GSE1: variants seen among roughly 807,000 people sequenced by gnomAD.
GSE1 encodes Gse1 coiled-coil protein, also known as genetic suppressor element 1.
GSE1 carries 32 observed loss-of-function variants against 112.6 expected under a neutral mutation model. The observed-to-expected ratio is 0.28, with a 90% confidence interval of 0.21 to 0.38. The LOEUF is 0.38. GSE1 is among the 10% of genes least tolerant of loss of function. The pLI, the probability that GSE1 is intolerant of heterozygous loss-of-function variation, is 1.00. For synonymous variants in GSE1, 1,115 were observed against 735.6 expected (o/e 1.52, Z -8.35); for missense variants, 2,348 against 1,699.2 (o/e 1.38, Z -6.71).
At chr16:85,571,212 CCA>C (rs1446525961) in intron 1 of GSE1, among the ~76,000 whole-genome samples, 3 of 152,190 alleles carry the variant, frequency 2.0e-5, no homozygotes, top group African/African-American at 7.2e-5. Context: ...GTGCACCCTT[CCA>C]AGGCCCGGGC....
chr16:85,439,534 T>TCACA (rs66487058), intron 2 of GSE1, among the ~76,000 whole-genome samples: 69 of 149,962 alleles, frequency 4.6e-4, no homozygotes, highest in African/African-American at 1.4e-3. Flanking sequence ...ACACGGTCTG[T>TCACA]CACACACACA....
chr16:85,660,220 C>G (rs1429213821), intron 8 of GSE1, among the ~76,000 whole-genome samples: 1 of 152,216 alleles, frequency 6.6e-6, no homozygotes. Flanking sequence ...GGAATTCACG[C>G]AAGCAGGTGG....
Position 85,387,867 on chromosome 16 carries a change from A to G in GSE1, c.2464+30224A>G, listed in dbSNP as rs113726319. ...GTTTGCATGGACGGATGATTGGATG[A>G]TTGGTTGGATGGGTGGGTGGATGGA... On this transcript the variant is annotated intron_variant, in intron 2 of 2. Transcript: ENST00000637419. Among the ~76,000 whole-genome samples, 139 of 152,182 alleles carry G rather than the reference A, an allele frequency of 9.1e-4. No individual in the cohort carries two copies. The Middle Eastern group carries it at 0.01, about 11-fold the overall frequency.
At chr16:85,439,771 A>G (rs1434322975) in intron 2 of GSE1, among the ~76,000 whole-genome samples, 1 of 152,146 alleles carries the variant, frequency 6.6e-6, no homozygotes, top group East Asian at 1.9e-4. Context: ...AGACACACAC[A>G]CAAAAGTGAG....
At chr16:85,619,132 C>G (rs927582608) in intron 1 of GSE1, among the ~76,000 whole-genome samples, 1 of 152,208 alleles carries the variant, frequency 6.6e-6, no homozygotes, top group African/African-American at 2.4e-5. Flanking sequence ...CTTTAACAAC[C>G]GGAGGTTCTT....
chr16:85,547,740 G>T (rs940991408), intron 2 of GSE1, among the ~76,000 whole-genome samples: 1 of 151,746 alleles, frequency 6.6e-6, no homozygotes, highest in African/African-American at 2.4e-5. Context: ...AATTAGCCAG[G>T]CGTGGTGGCA....
At chr16:85,619,247 T>TC (rs1405788932) in intron 1 of GSE1, among the ~76,000 whole-genome samples, 1 of 152,102 alleles carries the variant, frequency 6.6e-6, no homozygotes, top group Non-Finnish European at 1.5e-5. Context: ...AAACTGTCCC[T>TC]CCCCCAGCCC....
At chr16:85,587,730 A>G (rs1293898176) in intron 1 of GSE1, among the ~76,000 whole-genome samples, 1 of 151,514 alleles carries the variant, frequency 6.6e-6, no homozygotes, top group African/African-American at 2.4e-5. Context: ...CCAGTGCTAG[A>G]GGGCTGGGAT....
At chr16:85,251,574 G>T (rs1016830166) in intron 1 of GSE1, among the ~76,000 whole-genome samples, 2 of 152,238 alleles carry the variant, frequency 1.3e-5, no homozygotes, top group African/African-American at 4.8e-5. Flanking sequence ...AAGGGCAGCA[G>T]AGTGACCCTG....
chr16:85,635,465 CAG>C (rs1017831105), intron 2 of GSE1, among the ~76,000 whole-genome samples: 4 of 152,080 alleles, frequency 2.6e-5, no homozygotes, highest in South Asian at 2.1e-4. Flanking sequence ...CAAGATGGCT[CAG>C]GGGGAAGCAG....
chr16:85,496,310 C>A (rs1674330447), intron 2 of GSE1, among the ~76,000 whole-genome samples: 1 of 152,274 alleles, frequency 6.6e-6, no homozygotes, highest in African/African-American at 2.4e-5. Flanking sequence ...GGGATGGTTA[C>A]AACAGGTTTA....
chr16:85,644,639 C>T lies in GSE1; in HGVS notation c.227-3913C>T, dbSNP rs541707631. On this transcript the variant is annotated intron_variant, in intron 2 of 15. Transcript: ENST00000253458. ...CTTCTTTAGAGACGGAGAGCCAATGCGTGCGGGGCCTGGGGAGACGGGAGT... is the reference window on the plus strand; with the variant it reads ...CTTCTTTAGAGACGGAGAGCCAATGTGTGCGGGGCCTGGGGAGACGGGAGT... Among the ~76,000 whole-genome samples the T allele has an allele frequency of 5.3e-5, 8 of 152,202 alleles. No homozygotes were observed. The East Asian group carries it at 5.8e-4, about 11-fold the overall frequency.
intron 2 of GSE1, among the ~76,000 whole-genome samples, chr16:85,477,421 C>T (rs1197912290): frequency 2.0e-5 from 3 of 152,092 alleles, no homozygotes; most frequent in Non-Finnish European, 4.4e-5. Context: ...GGGTGCCCCC[C>T]AGCCACAGTC....
At chr16:85,413,686 G>A (rs541200035) in intron 2 of GSE1, among the ~76,000 whole-genome samples, 1 of 152,132 alleles carries the variant, frequency 6.6e-6, no homozygotes, top group African/African-American at 2.4e-5. Flanking sequence ...TCAAAAAGGG[G>A]GTGAGGAATT....
upstream of GSE1, chr16:85,555,467 C>G (rs540973660): frequency 1.0e-6 from 1 of 984,638 alleles, no homozygotes; most frequent in Non-Finnish European, 1.2e-6. Context: ...CTGCCGGAGA[C>G]TTGTTTGCAA....
chr16:85,657,515 G>C lies in GSE1; in HGVS notation c.1551G>C (p.Glu517Asp). ...EKEDRQSQVSEFRQQVLEQHL... is the reference protein window; with the variant it reads ...EKEDRQSQVSDFRQQVLEQHL... ...AGGACCGGCAGTCTCAGGTGTCCGA[G>C]TTCCGGCAGCAGGTGCTGGAGCAGC... The change falls in exon 8 of 16, where the codon GAG (glutamate) becomes GAC (aspartate). Residue 517 changes from glutamate to aspartate, a missense_variant. Glu to Asp is a conservative substitution (Grantham distance 45, BLOSUM62 2). Transcript: ENST00000253458. 2 of 1,605,374 alleles carry C rather than the reference G, an allele frequency of 1.2e-6. No individual in the cohort carries two copies. The highest frequency in any genetic ancestry group is 1.7e-6 in the Non-Finnish European group (2 of 1,176,492).
At chr16:85,318,733 T>A (rs2046037048) in intron 1 of GSE1, among the ~76,000 whole-genome samples, 1 of 152,196 alleles carries the variant, frequency 6.6e-6, no homozygotes, top group Non-Finnish European at 1.5e-5. Flanking sequence ...TTGGGCAGAC[T>A]CCAGAGCAGC....
chr16:85,339,176 C>A (rs1396057171), intron 1 of GSE1, among the ~76,000 whole-genome samples: 2 of 152,184 alleles, frequency 1.3e-5, no homozygotes, highest in Non-Finnish European at 2.9e-5. Context: ...AGTAGCCAGG[C>A]CCGTAGTAGT....
chr16:85,444,944 A>C (rs1360606294), intron 2 of GSE1, among the ~76,000 whole-genome samples: 1 of 152,014 alleles, frequency 6.6e-6, no homozygotes, highest in Non-Finnish European at 1.5e-5. Flanking sequence ...CCCACTGCCC[A>C]CGTTGTCACA....
Sources: allele counts gnomAD v4.1 joint callset (sites outside exome capture counted in the v4.1 genomes callset), GRCh38; gene constraint gnomAD v4.1.1; transcripts MANE v1.5; gene names NCBI Gene and HGNC (gene_info 2026-07-23, HGNC 2026-07-21).